Variants in NEK6 observed in about 807,000 individuals in gnomAD.
NEK6 encodes the protein NIMA related kinase 6.
NEK6 carries 27 observed loss-of-function variants against 43.5 expected under a neutral mutation model. That is an observed-to-expected ratio of 0.62 (90% CI 0.46 to 0.86). NEK6 has a LOEUF of 0.86. Ranked by LOEUF, NEK6 falls within the 40% of genes least tolerant of loss-of-function variation. The pLI, the probability that NEK6 is intolerant of heterozygous loss-of-function variation, is 0.00. For synonymous variants in NEK6, 167 were observed against 164.1 expected (o/e 1.02, Z -0.14); for missense variants, 318 against 414.4 (o/e 0.77, Z 2.02).
Position 124,352,572 on chromosome 9 carries a change from G to A in NEK6, c.*1625G>A, listed in dbSNP as rs1373334330. The A allele has an allele frequency of 1.4e-5, 2 of 144,766 alleles. No individual in the cohort carries two copies. Among genetic ancestry groups the A allele is most frequent in the Non-Finnish European group, 3.0e-5 (2 of 65,824 alleles). The allele number at this position is 144,766 out of a possible 1,614,324, so 9.0% of individuals were successfully genotyped here. On this transcript the variant is annotated 3_prime_UTR_variant, in exon 10 of 10. Transcript: ENST00000320246. ...TTCAGTAATCCCAGGATTTCTTTAA[G>A]CTCCCCAAATAATTTTGAAACTCAT...
intron 1 of NEK6, among the ~76,000 whole-genome samples, chr9:124,284,590 T>C (rs1190850550): frequency 2.6e-5 from 4 of 152,242 alleles, no homozygotes; most frequent in African/African-American, 9.6e-5. Flanking sequence ...TGGGTTCCAG[T>C]GTCTTAAAAA....
chr9:124,272,153 CATGGT>C (rs947377232), intron 1 of NEK6, among the ~76,000 whole-genome samples: 19 of 152,232 alleles, frequency 1.2e-4, no homozygotes, highest in Non-Finnish European at 4.4e-5. Context: ...TGGTAAACGA[CATGGT>C]ATGGGGTGAG....
chr9:124,301,739 A>G (rs1005147265), intron 1 of NEK6, among the ~76,000 whole-genome samples, 197 bp from the exon 2 acceptor site: 1 of 152,184 alleles, frequency 6.6e-6, no homozygotes, highest in East Asian at 1.9e-4. Flanking sequence ...GACTTAGGAC[A>G]GTCTAACAGA....
chr9:124,321,603 T>C (rs1024597287), intron 5 of NEK6, 34 bp downstream of exon 5: 8 of 1,326,592 alleles, frequency 6.0e-6, no homozygotes, highest in Non-Finnish European at 8.7e-6. Context: ...TGCTGGGGGC[T>C]GCGCAGATCT....
chr9:124,319,262 G>A (rs1833952782), intron 4 of NEK6, among the ~76,000 whole-genome samples: 1 of 151,940 alleles, frequency 6.6e-6, no homozygotes, highest in South Asian at 2.1e-4. Flanking sequence ...GGGATTACAG[G>A]CGTGAGCCAC....
intron 1 of NEK6, among the ~76,000 whole-genome samples, chr9:124,278,713 C>T (rs1489442750): frequency 6.6e-6 from 1 of 152,198 alleles, no homozygotes; most frequent in Non-Finnish European, 1.5e-5. Flanking sequence ...TGGATGACTT[C>T]ATGTATGTTG....
intron 1 of NEK6, among the ~76,000 whole-genome samples, chr9:124,285,567 C>G (rs909135219): frequency 6.6e-6 from 1 of 152,132 alleles, no homozygotes; most frequent in African/African-American, 2.4e-5. Context: ...CTGAAGAAAT[C>G]AGAGTTCATG....
At chr9:124,316,475 C>T (rs1833823314) in intron 4 of NEK6, among the ~76,000 whole-genome samples, 1 of 152,212 alleles carries the variant, frequency 6.6e-6, no homozygotes, top group Admixed American at 6.5e-5. Context: ...TCAGCTCTCC[C>T]TCCCTTCCCT....
At chr9:124,322,851 A>G (rs781515735) in intron 5 of NEK6, among the ~76,000 whole-genome samples, 6 of 152,264 alleles carry the variant, frequency 3.9e-5, no homozygotes, top group Non-Finnish European at 7.3e-5. Context: ...GGTCCTAGGA[A>G]TACAGGCGTC....
chr9:124,270,612 C>T (rs139461464), intron 1 of NEK6, among the ~76,000 whole-genome samples: 250 of 152,306 alleles, frequency 1.6e-3, no homozygotes, highest in African/African-American at 5.4e-3. Flanking sequence ...ATGTCTCACT[C>T]CCTGGACACA....
At chr9:124,286,093 T>A (rs1177021209) in intron 1 of NEK6, among the ~76,000 whole-genome samples, 1 of 150,466 alleles carries the variant, frequency 6.6e-6, no homozygotes, top group Non-Finnish European at 1.5e-5. Flanking sequence ...TCCCCCGCAG[T>A]CAGACTTTTT....
chr9:124,309,703 T>A (rs146129254), intron 2 of NEK6, among the ~76,000 whole-genome samples: 255 of 152,284 alleles, frequency 1.7e-3, no homozygotes, highest in Non-Finnish European at 2.3e-3. Flanking sequence ...GTACAACACC[T>A]CATGGTTATT....
Position 124,257,995 on chromosome 9 carries a change from G to A in NEK6, c.-120G>A, listed in dbSNP as rs2118825218. The A allele has an allele frequency of 3.1e-6, 3 of 978,946 alleles. No individual in the cohort carries two copies. In the South Asian group the frequency reaches 1.4e-4, roughly 46 times the overall value. 60.6% of individuals were successfully genotyped at this position (978,946 alleles called of 1,614,324 possible). A position where few individuals can be genotyped will look rare whatever the true frequency, so the allele number is the denominator to read the frequency against. On this transcript the variant is annotated 5_prime_UTR_variant, in exon 1 of 10. Coordinates refer to ENST00000320246, the MANE Select transcript of NEK6 (RefSeq NM_014397.6). Reference sequence around the variant, plus strand: ...CCGAGCTGACGGGCGTGCGGCCGCTGCGCCGCAAACTCGTGTGGGACGCAC... The same window carrying A: ...CCGAGCTGACGGGCGTGCGGCCGCTACGCCGCAAACTCGTGTGGGACGCAC...
At chr9:124,307,279 GT>G (rs1833301767) in intron 2 of NEK6, among the ~76,000 whole-genome samples, 1 of 152,120 alleles carries the variant, frequency 6.6e-6, no homozygotes, top group South Asian at 2.1e-4. Context: ...TGGGTGGGGG[GT>G]AGCTATAGTG....
intron 1 of NEK6, among the ~76,000 whole-genome samples, chr9:124,280,624 G>T (rs141689800): frequency 3.3e-5 from 5 of 152,196 alleles, no homozygotes; most frequent in African/African-American, 1.2e-4. Context: ...GGGTCATCAG[G>T]CCTCCAGGGC....
At chr9:124,282,797 G>C (rs1350149849) in intron 1 of NEK6, among the ~76,000 whole-genome samples, 1 of 152,244 alleles carries the variant, frequency 6.6e-6, no homozygotes, top group Admixed American at 6.5e-5. Flanking sequence ...TGCAGCGTTT[G>C]GTCCTTTGGT....
intron 1 of NEK6, among the ~76,000 whole-genome samples, chr9:124,270,744 G>T (rs1831406508): frequency 6.6e-6 from 1 of 152,216 alleles, no homozygotes; most frequent in Non-Finnish European, 1.5e-5. Context: ...TGCGGGAGCA[G>T]GCAGCTGAAT....
At chr9:124,270,145 C>T (rs1231769747) in intron 1 of NEK6, among the ~76,000 whole-genome samples, 1 of 152,146 alleles carries the variant, frequency 6.6e-6, no homozygotes, top group Non-Finnish European at 1.5e-5. Flanking sequence ...CCGGCATCTG[C>T]TGCCATTGGT....
chr9:124,327,751 G>C (rs1828731053), intron 7 of NEK6, among the ~76,000 whole-genome samples: 1 of 152,222 alleles, frequency 6.6e-6, no homozygotes, highest in Non-Finnish European at 1.5e-5. Context: ...TCCCACTGCT[G>C]TGAGTGTCCC....
Sources: gnomAD v4.1 joint callset for allele counts (sites outside exome capture counted in the v4.1 genomes callset) on GRCh38, gnomAD v4.1.1 for gene constraint, MANE v1.5 for transcripts, NCBI Gene and HGNC (gene_info 2026-07-23, HGNC 2026-07-21) for gene names.